The following NOL4 variants were observed in gnomAD, a reference collection of about 807,000 sequenced individuals.
NOL4 encodes cancer/testis antigen 125.
Under a neutral mutation model 75.9 loss-of-function variants are expected in NOL4, and 17 were observed. The observed-to-expected ratio is 0.22, with a 90% CI of 0.15 to 0.34. The LOEUF (loss-of-function observed/expected upper bound fraction) is 0.34, where lower values mean the gene tolerates loss of function less well. NOL4 is among the 10% of genes least tolerant of loss of function. The pLI, the probability that NOL4 is intolerant of heterozygous loss-of-function variation, is 1.00. For synonymous variants in NOL4, 292 were observed against 289.9 expected (o/e 1.01, Z -0.07); for missense variants, 614 against 793.5 (o/e 0.77, Z 2.72).
At position 34,138,707 on chromosome 18, in the gene NOL4, G is replaced by C. The variant is rs373356740; in HGVS notation, c.265-8687C>G. 1.7e-3 allele frequency among the ~76,000 whole-genome samples: 255 copies of C among 152,130 alleles called. 3 individuals carry two copies. Among genetic ancestry groups the C allele is most frequent in the Middle Eastern group, 0.014 (4 of 294 alleles). ...TGATTGCCCTGGCCAGAACTTCCAA[G>C]ACTATGTTGAATAGGAGTGGTGAGA... On this transcript the variant is annotated intron_variant, in intron 1 of 10. Transcript: ENST00000261592.
chr18:33,906,021 A>G (rs2066021144), intron 9 of NOL4, among the ~76,000 whole-genome samples: 1 of 152,126 alleles, frequency 6.6e-6, no homozygotes, highest in East Asian at 1.9e-4. Flanking sequence ...TCCTAAACTC[A>G]TCACTCCTTT....
chr18:34,023,742 G>A, intron 5 of NOL4: 1 of 246,466 alleles, frequency 4.1e-6, no homozygotes, highest in East Asian at 7.9e-5. Flanking sequence ...GAGTTAACTT[G>A]TTCTGTGGCT....
At chr18:33,894,698 A>T (rs1210797996) in intron 9 of NOL4, among the ~76,000 whole-genome samples, 1 of 152,158 alleles carries the variant, frequency 6.6e-6, no homozygotes, top group Non-Finnish European at 1.5e-5. Flanking sequence ...CAATATTTAC[A>T]TGCACATACA....
intron 9 of NOL4, among the ~76,000 whole-genome samples, chr18:33,942,111 AG>A: frequency 6.6e-6 from 1 of 152,004 alleles, no homozygotes; most frequent in East Asian, 1.9e-4. Context: ...AAGTATTCTA[AG>A]CCTGAAATGA....
intron 1 of NOL4, among the ~76,000 whole-genome samples, chr18:34,203,167 G>A (rs1469948932): frequency 6.6e-6 from 1 of 151,904 alleles, no homozygotes; most frequent in Non-Finnish European, 1.5e-5. Flanking sequence ...ATTATACTAA[G>A]TGAAAAAAAC....
At chr18:34,168,279 A>T (rs1292404841) in intron 1 of NOL4, among the ~76,000 whole-genome samples, 1 of 152,010 alleles carries the variant, frequency 6.6e-6, no homozygotes, top group East Asian at 1.9e-4. Context: ...ATTTCTCAAT[A>T]GGAAGTAAAA....
At chr18:33,990,564 A>T (rs2072843567) in intron 6 of NOL4, among the ~76,000 whole-genome samples, 1 of 151,502 alleles carries the variant, frequency 6.6e-6, no homozygotes, top group Non-Finnish European at 1.5e-5. Flanking sequence ...AGGTCTAGAC[A>T]TTGGGCTGCT....
chr18:34,122,429 G>A (rs937094171), intron 2 of NOL4, among the ~76,000 whole-genome samples: 3 of 151,942 alleles, frequency 2.0e-5, no homozygotes, highest in African/African-American at 7.3e-5. Flanking sequence ...TTCATTACCT[G>A]ATTAAGAGGG....
intron 10 of NOL4, among the ~76,000 whole-genome samples, chr18:33,877,861 T>C (rs1374988806): frequency 6.6e-6 from 1 of 151,484 alleles, no homozygotes; most frequent in Non-Finnish European, 1.5e-5. Flanking sequence ...TGCGCTATCA[T>C]ACATGCTTCA....
At chr18:34,040,125 A>G (rs1406904026) in intron 5 of NOL4, among the ~76,000 whole-genome samples, 2 of 151,994 alleles carry the variant, frequency 1.3e-5, no homozygotes, top group African/African-American at 4.8e-5. Flanking sequence ...AAGCATCTGT[A>G]TTCAAAATTT....
Position 34,018,994 on chromosome 18 carries a change from G to A in NOL4, c.1056+324C>T, listed in dbSNP as rs74663425. Among the ~76,000 whole-genome samples the A allele has an allele frequency of 4.1e-3, 618 of 152,078 alleles. 5 individuals carry two copies. The highest frequency in any genetic ancestry group is 0.014 in the African/African-American group (565 of 41,490). ...CTTTTATAGTAGAAAATTGTGTACC[G>A]AGACTGAAACTGTCACATCTGAGCT... On this transcript the variant is annotated intron_variant, in intron 6 of 10. Transcript: ENST00000261592.
chr18:34,141,889 T>A (rs1486979576), intron 1 of NOL4, among the ~76,000 whole-genome samples: 4 of 152,080 alleles, frequency 2.6e-5, no homozygotes, highest in South Asian at 2.1e-4. Context: ...CATCAGAGTG[T>A]ACAGGCAACC....
At chr18:34,006,587 T>C (rs941528791) in intron 6 of NOL4, among the ~76,000 whole-genome samples, 1 of 152,082 alleles carries the variant, frequency 6.6e-6, no homozygotes, top group African/African-American at 2.4e-5. Flanking sequence ...TTTTCCCTTC[T>C]TGTACACAAC....
chr18:33,948,084 C>A (rs1599992526), intron 8 of NOL4, among the ~76,000 whole-genome samples: 1 of 151,748 alleles, frequency 6.6e-6, no homozygotes, highest in Non-Finnish European at 1.5e-5. Flanking sequence ...CAAAAAAGTA[C>A]AAAGAAATTT....
chr18:34,159,233 C>A (rs749158596), intron 1 of NOL4, among the ~76,000 whole-genome samples: 7 of 152,190 alleles, frequency 4.6e-5, no homozygotes, highest in Non-Finnish European at 7.4e-5. Context: ...GCGCTCCGGG[C>A]GCCGCGCTCC....
chr18:34,164,620 G>A (rs2032051127), intron 1 of NOL4, among the ~76,000 whole-genome samples: 1 of 152,030 alleles, frequency 6.6e-6, no homozygotes, highest in African/African-American at 2.4e-5. Context: ...TGGAGAAATA[G>A]GAACACTTTT....
intron 1 of NOL4, among the ~76,000 whole-genome samples, chr18:34,164,852 C>G (rs1314109934): frequency 6.6e-6 from 1 of 151,684 alleles, no homozygotes; most frequent in African/African-American, 2.4e-5. Flanking sequence ...AAATGTCCAA[C>G]AATGATAGAG....
chr18:34,069,146 A>T (rs1468834883), intron 5 of NOL4, among the ~76,000 whole-genome samples: 1 of 152,202 alleles, frequency 6.6e-6, no homozygotes, highest in Non-Finnish European at 1.5e-5. Context: ...ACAACAAAAT[A>T]TGGATATAGT....
chr18:34,043,148 TTACAGTGTGCATGATTTTCTTCATGTACA>T (rs2076211561), intron 5 of NOL4, among the ~76,000 whole-genome samples: 1 of 152,128 alleles, frequency 6.6e-6, no homozygotes, highest in South Asian at 2.1e-4. Context: ...CTTCATGTAC[TTACAGTGTGCATGATTTTCTTCATGTACA>T]TACAGTGTGC....
Sources: gnomAD v4.1 joint callset for allele counts (sites outside exome capture counted in the v4.1 genomes callset) on GRCh38, gnomAD v4.1.1 for gene constraint, MANE v1.5 for transcripts, NCBI Gene and HGNC (gene_info 2026-07-23, HGNC 2026-07-21) for gene names.